Variants in ZNF566 observed in about 807,000 individuals in gnomAD.
ZNF566 encodes zinc finger protein 566.
In ZNF566, 27 loss-of-function variants were observed where a neutral mutation model predicts 32.8. That is an observed-to-expected ratio of 0.82 (90% CI 0.61 to 1.14). ZNF566 has a LOEUF of 1.14. ZNF566 is among the 50% of genes most tolerant of loss of function. The pLI is 0.00. For missense variants in ZNF566, 402 were observed against 490.4 expected (o/e 0.82, Z 1.70); for synonymous variants, 154 against 159.5 (o/e 0.97, Z 0.26).
intron 4 of ZNF566, among the ~76,000 whole-genome samples, chr19:36,455,648 G>A (rs3107236): frequency 0.26 from 39,337 of 151,934 alleles, 5,178 homozygotes; most frequent in South Asian, 0.37. Flanking sequence ...GCTGAGGCAC[G>A]AGAATCGCTT....
chr19:36,449,565 G>A lies in ZNF566; in HGVS notation c.669C>T (p.Gly223=), dbSNP rs762399554. ...RLTHHQKIHT[G]KKPFECKECG... ...ATTCCTTACATTCAAAGGGTTTCTTGCCAGTATGAATTTTCTGATGATGAG... is the reference window on the plus strand; with the variant it reads ...ATTCCTTACATTCAAAGGGTTTCTTACCAGTATGAATTTTCTGATGATGAG... The change falls in exon 5 of 5, where the codon GGC becomes GGT. Residue 223 remains glycine (G), a synonymous_variant. Transcript: ENST00000452939. 4 of 1,613,994 alleles carry A rather than the reference G, an allele frequency of 2.5e-6. No homozygotes were observed. The highest frequency in any genetic ancestry group is 3.4e-6 in the Non-Finnish European group (4 of 1,179,980).
intron 4 of ZNF566, among the ~76,000 whole-genome samples, chr19:36,453,232 T>A (rs1315280281): frequency 2.0e-5 from 3 of 151,938 alleles, no homozygotes; most frequent in Admixed American, 2.0e-4. Context: ...CTCAGGACTT[T>A]GGGAGGCCGA....
intron 4 of ZNF566, among the ~76,000 whole-genome samples, chr19:36,462,726 A>G (rs762465914): frequency 2.2e-4 from 34 of 151,728 alleles, no homozygotes; most frequent in Non-Finnish European, 4.1e-4. Context: ...GATTGCCCCA[A>G]TCTCTCTTGG....
At chr19:36,486,502 T>C (rs898731912) in intron 1 of ZNF566, among the ~76,000 whole-genome samples, 3 of 152,084 alleles carry the variant, frequency 2.0e-5, no homozygotes, top group African/African-American at 7.2e-5. Flanking sequence ...TGAAACCCTG[T>C]GTCTACTAAA....
intron 4 of ZNF566, among the ~76,000 whole-genome samples, chr19:36,452,986 C>T (rs1483931655): frequency 2.0e-5 from 3 of 151,458 alleles, no homozygotes; most frequent in South Asian, 2.1e-4. Context: ...GGTATGGTGG[C>T]GTGTGCCTGT....
chr19:36,469,771 T>A (rs2033717716), intron 4 of ZNF566, among the ~76,000 whole-genome samples: 2 of 152,200 alleles, frequency 1.3e-5, no homozygotes, highest in African/African-American at 4.8e-5. Context: ...TCTGAGAATC[T>A]ATCCTAAGCA....
rs1333181764 is a variant in ZNF566, at chr19:36,449,697, G to A, written c.537C>T (p.Thr179=). ...TAGCAAACTGTGAGCCATGTCTAAA[G>A]GTTTTCCTATATTCTTTAGATGCAC... is the stretch of plus-strand genomic sequence containing the variant. ...KFCASKEYRK[T]FRHGSQFATH... is the part of the protein sequence containing the mutation. The change falls in exon 5 of 5, where the codon ACC becomes ACT. Residue 179 remains threonine (T), a synonymous_variant. Coordinates refer to ENST00000452939, the MANE Select transcript of ZNF566 (RefSeq NM_001145344.1). The A allele has an allele frequency of 1.2e-6, 2 of 1,614,026 alleles. No individual in the cohort carries two copies. Among genetic ancestry groups the A allele is most frequent in the East Asian group, 2.2e-5 (1 of 44,872 alleles).
At chr19:36,478,911 T>C (rs1307911682) in intron 1 of ZNF566, among the ~76,000 whole-genome samples, 1 of 152,250 alleles carries the variant, frequency 6.6e-6, no homozygotes, top group Non-Finnish European at 1.5e-5. Context: ...GCTATGCCCA[T>C]GCACTGCATG....
At chr19:36,452,676 A>G (rs1052616859) in intron 4 of ZNF566, among the ~76,000 whole-genome samples, 1 of 151,938 alleles carries the variant, frequency 6.6e-6, no homozygotes, top group South Asian at 2.1e-4. Flanking sequence ...ACTTGTAAGA[A>G]ACATCAAAAA....
intron 4 of ZNF566, among the ~76,000 whole-genome samples, chr19:36,457,271 A>G (rs1343150989): frequency 6.6e-6 from 1 of 152,198 alleles, no homozygotes; most frequent in Non-Finnish European, 1.5e-5. Context: ...AGACTTAAAC[A>G]TGAGACACAA....
At chr19:36,486,904 A>AC (rs1436542892) in intron 1 of ZNF566, among the ~76,000 whole-genome samples, 1 of 151,118 alleles carries the variant, frequency 6.6e-6, no homozygotes, top group East Asian at 2.0e-4. Flanking sequence ...CGGGAGTTTC[A>AC]CATGGTGAAA....
chr19:36,475,126 G>A (rs2033852936), intron 2 of ZNF566, among the ~76,000 whole-genome samples: 1 of 152,170 alleles, frequency 6.6e-6, no homozygotes, highest in Non-Finnish European at 1.5e-5. Flanking sequence ...TCTCACTGCA[G>A]CCATGACTTC....
At chr19:36,463,229 G>C (rs913532628) in intron 4 of ZNF566, among the ~76,000 whole-genome samples, 1 of 152,064 alleles carries the variant, frequency 6.6e-6, no homozygotes, top group Non-Finnish European at 1.5e-5. Flanking sequence ...CTTGAGCCCA[G>C]GAGGTCCAGA....
intron 2 of ZNF566, among the ~76,000 whole-genome samples, chr19:36,474,474 T>C (rs1045490650): frequency 6.6e-6 from 1 of 152,194 alleles, no homozygotes; most frequent in Non-Finnish European, 1.5e-5. Context: ...GTGTATACTA[T>C]TGATTTAACC....
rs879222351 is a variant in ZNF566 at position 36,448,952 on chromosome 19, T to G, written c.*25A>C. On this transcript the variant is annotated 3_prime_UTR_variant, in exon 5 of 5. Coordinates refer to ENST00000452939, the MANE Select transcript of ZNF566 (RefSeq NM_001145344.1). Reference sequence around the variant, plus strand: ...TTTGAGCCATAATTAAAAGCCTCCCTACACATTTCATATATTCTGTTTCAT... The same window carrying G: ...TTTGAGCCATAATTAAAAGCCTCCCGACACATTTCATATATTCTGTTTCAT... 2 of 1,533,864 alleles carry G rather than the reference T, an allele frequency of 1.3e-6. No individual in the cohort carries two copies. The highest frequency in any genetic ancestry group is 2.6e-5 in the South Asian group (2 of 75,998).
intron 4 of ZNF566, among the ~76,000 whole-genome samples, chr19:36,458,032 C>T (rs2033362217): frequency 6.6e-6 from 1 of 152,116 alleles, no homozygotes; most frequent in Admixed American, 6.6e-5. Flanking sequence ...ATTGAAACAG[C>T]CATTATGGAA....
chr19:36,464,224 G>GT (rs1481701325), intron 4 of ZNF566, among the ~76,000 whole-genome samples: 3 of 152,162 alleles, frequency 2.0e-5, no homozygotes, highest in Admixed American at 1.3e-4. Flanking sequence ...AAGGCTCAAT[G>GT]TAACAAGAAA....
rs1468327591 is a variant in ZNF566, at chr19:36,449,888, A to G, written c.346T>C (p.Ser116Pro). ...CATTCCCAATCATCTCTGAAACTGG[A>G]GCACTGAAAATCACGTCTTGTGAGT... ...EKLTRRDFQC[S>P]SFRDDWECNR... Residue 116 changes from serine (S) to proline (P), a missense_variant, in exon 5 of 5, where the codon TCC (serine) becomes CCC (proline). This residue lies in a region of ZNF566 where 220 missense variants were observed against 241.9 expected (regional missense o/e 0.91). Coordinates refer to ENST00000452939, the MANE Select transcript of ZNF566 (RefSeq NM_001145344.1). 2.5e-6 allele frequency: 4 copies of G among 1,613,982 alleles called. No individual in the cohort carries two copies. The highest frequency in any genetic ancestry group is 2.5e-6 in the Non-Finnish European group (3 of 1,180,014).
At position 36,449,710 on chromosome 19, in the gene ZNF566, T is replaced by G. The variant is rs762998601; in HGVS notation, c.524A>C (p.Glu175Ala). ...NSKKKFCASK[E>A]YRKTFRHGSQ... ...GCCATGTCTAAAGGTTTTCCTATATTCTTTAGATGCACAGAATTTCTTTTT... is the reference window on the plus strand; with the variant it reads ...GCCATGTCTAAAGGTTTTCCTATATGCTTTAGATGCACAGAATTTCTTTTT... The change falls in exon 5 of 5, where the codon GAA becomes GCA. Residue 175 changes from glutamate (E) to alanine (A), a missense_variant. By Grantham distance (107) the Glu-to-Ala change is moderately radical. Transcript: ENST00000452939. The G allele has an allele frequency of 6.2e-7, 1 of 1,614,152 alleles. No homozygotes were observed. The highest frequency in any genetic ancestry group is 8.5e-7 in the Non-Finnish European group (1 of 1,180,014).
Sources: gnomAD v4.1 joint callset for allele counts (sites outside exome capture counted in the v4.1 genomes callset) on GRCh38, gnomAD v4.1.1 for gene constraint, gnomAD v4.1.1 regional missense constraint, MANE v1.5 for transcripts, NCBI Gene and HGNC (gene_info 2026-07-23, HGNC 2026-07-21) for gene names.